STK25: variants seen among roughly 807,000 people sequenced by gnomAD.
STK25 encodes the protein serine/threonine-protein kinase 25.
STK25 carries 29 observed loss-of-function variants against 53.8 expected under a neutral mutation model. The ratio of observed to expected loss-of-function variants is 0.54; its 90% CI spans 0.40 to 0.74. STK25 has a LOEUF of 0.74. Among genes scored for constraint, STK25 ranks in the 30% least tolerant of loss-of-function variants. STK25 has a pLI of 0.00. For synonymous variants in STK25, 247 were observed against 238.3 expected (o/e 1.04, Z -0.33); for missense variants, 420 against 568.0 (o/e 0.74, Z 2.65).
At position 241,494,081 on chromosome 2, in the gene STK25, C is replaced by A; in HGVS notation, c.*1581G>T. The stretch of plus-strand genomic sequence containing the variant: ...AAGCATCGTGCAGGATGGCCCCCAA[C>A]CCTCCTCAGGGCTGGAGGGGATGGT... On this transcript the variant is annotated 3_prime_UTR_variant, in exon 12 of 12. Transcript: ENST00000316586. The surrounding 1 kb of genome is among the most constrained non-coding windows in gnomAD (Gnocchi z 4.9). 1 of 1,451,672 alleles carries A rather than the reference C, an allele frequency of 6.9e-7. No individual in the cohort carries two copies. The highest frequency in any genetic ancestry group is 9.0e-7 in the Non-Finnish European group (1 of 1,106,978). The allele number at this position is 1,451,672 out of a possible 1,614,324, so 89.9% of individuals were successfully genotyped here.
At position 241,498,290 on chromosome 2, in the gene STK25, C is replaced by T. The variant is rs545943612; in HGVS notation, c.977G>A (p.Arg326Gln). ...GPIWTFPPTI[R>Q]PSPHSKLHKG... Reference sequence around the variant, plus strand: ...GTGAAGCTTGCTGTGTGGACTCGGCCGGATGGTAGGGGGGAACGTCCAGAT... The same window carrying T: ...GTGAAGCTTGCTGTGTGGACTCGGCTGGATGGTAGGGGGGAACGTCCAGAT... The change falls in exon 9 of 12, where the codon CGG (arginine) becomes CAG (glutamine). Residue 326 changes from arginine (R) to glutamine (Q), a missense_variant. Physicochemically the swap from Arg to Gln is conservative, Grantham distance 43. Transcript: ENST00000316586. 3 of 1,608,002 alleles carry T rather than the reference C, an allele frequency of 1.9e-6. No individual in the cohort carries two copies. Among genetic ancestry groups the T allele is most frequent in the Non-Finnish European group, 2.6e-6 (3 of 1,175,732 alleles).
chr2:241,492,996 T>TC lies in STK25; in HGVS notation c.*2665dup, dbSNP rs754656081. Reference sequence around the variant, plus strand: ...CATGGCTGGCAGAAGCTCTGGGTCGTCTTTACCAACTTCTGTTTGTTCTTC... The same window carrying TC: ...CATGGCTGGCAGAAGCTCTGGGTCGTCCTTTACCAACTTCTGTTTGTTCTTC... On this transcript the variant is annotated 3_prime_UTR_variant, in exon 12 of 12. Coordinates refer to ENST00000316586, the MANE Select transcript of STK25 (RefSeq NM_001271977.2). 4 of 1,611,876 alleles carry TC rather than the reference T, an allele frequency of 2.5e-6. No individual in the cohort carries two copies. The East Asian group carries it at 6.7e-5, about 27-fold the overall frequency.
intron 2 of STK25, among the ~76,000 whole-genome samples, chr2:241,507,396 G>A (rs2065899556): frequency 6.6e-6 from 1 of 152,212 alleles, no homozygotes; most frequent in Admixed American, 6.5e-5. Context: ...CTTCTTTAAA[G>A]AAGAAAGATG....
In STK25 at chr2:241,495,411, G is replaced by A. The variant is rs892525533; in HGVS notation, c.*251C>T. 18 of 524,814 alleles carry A rather than the reference G, an allele frequency of 3.4e-5. No homozygotes were observed. Among genetic ancestry groups the A allele is most frequent in the Non-Finnish European group, 6.2e-5 (18 of 291,894 alleles). 32.5% of individuals were successfully genotyped at this position (524,814 alleles called of 1,614,324 possible). On this transcript the variant is annotated 3_prime_UTR_variant, in exon 12 of 12. Transcript: ENST00000316586. ...ACGCCGGCGGCTGGAGCCCCCGTGA[G>A]CAATACTGCTGGGCCAGGAGAGGGA...
Position 241,501,197 on chromosome 2 carries a change from C to T in STK25, c.261+281G>A, listed in dbSNP as rs2065488771. ...GGCACCACCAGCCACCTGCTCCTCA[C>T]AGGCCCACTCACCACTGCCAGTAGG... On this transcript the variant is annotated intron_variant, in intron 3 of 11. Transcript: ENST00000316586. The surrounding 1 kb of genome is among the most constrained non-coding windows in gnomAD (Gnocchi z 5.3). The T allele has an allele frequency of 1.8e-6, 1 of 560,610 alleles. No individual in the cohort carries two copies. Among genetic ancestry groups the T allele is most frequent in the Non-Finnish European group, 3.2e-6 (1 of 310,932 alleles). The allele number at this position is 560,610 out of a possible 1,614,324, so 34.7% of individuals were successfully genotyped here.
rs746973294 is a variant in STK25, at chr2:241,496,550, C to A, written c.1105-16G>T. The A allele has an allele frequency of 6.2e-6, 10 of 1,610,944 alleles. No individual in the cohort carries two copies. The Admixed American group carries it at 1.5e-4, about 24-fold the overall frequency. On this transcript the variant is annotated splice_polypyrimidine_tract_variant and intron_variant, in intron 10 of 11. Coordinates refer to ENST00000316586, the MANE Select transcript of STK25 (RefSeq NM_001271977.2). This position sits in a 1 kb window ranked among gnomAD's most constrained non-coding sequence, Gnocchi z 5.8. ...TCTCTTTGAGCTGTGAAAAGACCACCACGCCTGACCCTGGACCCCAGGACA... is the reference window on the plus strand; with the variant it reads ...TCTCTTTGAGCTGTGAAAAGACCACAACGCCTGACCCTGGACCCCAGGACA...
upstream of STK25, among the ~76,000 whole-genome samples, chr2:241,509,002 C>T (rs2066021480): frequency 6.6e-6 from 1 of 152,188 alleles, no homozygotes; most frequent in Admixed American, 6.5e-5. Context: ...GCGCCCTCCC[C>T]GCCTCGCCAC....
rs2064970797 is a variant in STK25, at chr2:241,492,726, GT to G, written c.*2935del. On this transcript the variant is annotated 3_prime_UTR_variant, in exon 12 of 12. Transcript: ENST00000316586. ...AGGGAAAGGGAACTCACTTTACTTG[GT>G]GCCTGGAATGTCACTCTAGGTTTTT... 1.8e-6 allele frequency: 1 copy of G among 542,704 alleles called. No homozygotes were observed. The highest frequency in any genetic ancestry group is 1.9e-5 in the African/African-American group (1 of 52,958). The allele number at this position is 542,704 out of a possible 1,614,324, so 33.6% of individuals were successfully genotyped here. A position where few individuals can be genotyped will look rare whatever the true frequency, so the allele number is the denominator to read the frequency against.
rs1390482094 is a variant in STK25 at position 241,496,283 on chromosome 2, C to T, written c.1241+115G>A. The T allele has an allele frequency of 1.1e-5, 15 of 1,308,430 alleles. 1 individual carries two copies. The highest frequency in any genetic ancestry group is 2.7e-5 in the South Asian group (2 of 74,860). 81.1% of individuals were successfully genotyped at this position (1,308,430 alleles called of 1,614,324 possible). Reference sequence around the variant, plus strand: ...CACGCCGCGCCTTCCCAGAGTGAAGCGAGCCCATGTAGTGCCAAATGCAGC... The same window carrying T: ...CACGCCGCGCCTTCCCAGAGTGAAGTGAGCCCATGTAGTGCCAAATGCAGC... On this transcript the variant is annotated intron_variant, in intron 11 of 11. Coordinates refer to ENST00000316586, the MANE Select transcript of STK25 (RefSeq NM_001271977.2). This position sits in a 1 kb window ranked among gnomAD's most constrained non-coding sequence, Gnocchi z 5.8.
At chr2:241,506,813 C>T (rs931072007) in intron 2 of STK25, among the ~76,000 whole-genome samples, 1 of 152,166 alleles carries the variant, frequency 6.6e-6, no homozygotes, top group Admixed American at 6.6e-5. Flanking sequence ...AGATTTTTCT[C>T]CCAGCACCTT....
At position 241,501,502 on chromosome 2, in the gene STK25, G is replaced by A; in HGVS notation, c.237C>T (p.Thr79=). ...CCTTTAGGTAGGAGCCAAAGTAGCG[G>A]GTGATGTAGGGGCTGTCGCACTGAC... The part of the protein sequence containing the change: ...VLSQCDSPYI[T]RYFGSYLKST... Residue 79 remains threonine, a synonymous_variant, in exon 3 of 12, where the codon ACC becomes ACT. Transcript: ENST00000316586. The surrounding 1 kb of genome is among the most constrained non-coding windows in gnomAD (Gnocchi z 5.3). 1.2e-6 allele frequency: 2 copies of A among 1,614,080 alleles called. No homozygotes were observed. Among genetic ancestry groups the A allele is most frequent in the Non-Finnish European group, 1.7e-6 (2 of 1,180,026 alleles).
chr2:241,495,280 T>G lies in STK25; in HGVS notation c.*382A>C. 18 of 201,128 alleles carry G rather than the reference T, an allele frequency of 8.9e-5. No individual in the cohort carries two copies. Among genetic ancestry groups the G allele is most frequent in the Non-Finnish European group, 1.2e-4 (12 of 97,858 alleles). 12.5% of individuals were successfully genotyped at this position (201,128 alleles called of 1,614,324 possible). ...TGCCCTGTTGCCTCTCCCCACCTCA[T>G]GGGAGGAGGAGGCAGAGCTGCCCTG... On this transcript the variant is annotated 3_prime_UTR_variant, in exon 12 of 12. Coordinates refer to ENST00000316586, the MANE Select transcript of STK25 (RefSeq NM_001271977.2).
Position 241,494,797 on chromosome 2 carries a change from T to C in STK25, c.*865A>G, listed in dbSNP as rs2065061198. 6.6e-6 allele frequency: 1 copy of C among 152,238 alleles called. No homozygotes were observed. Among genetic ancestry groups the C allele is most frequent in the Non-Finnish European group, 1.5e-5 (1 of 68,048 alleles). 9.4% of individuals were successfully genotyped at this position (152,238 alleles called of 1,614,324 possible). ...ACGGGAAGTAGATGGGCGACTGCTT[T>C]GTTCACACACATTTGATTAAAAATA... On this transcript the variant is annotated 3_prime_UTR_variant, in exon 12 of 12. Transcript: ENST00000316586. This position sits in a 1 kb window ranked among gnomAD's most constrained non-coding sequence, Gnocchi z 4.9.
chr2:241,498,065 C>T (rs1412785946), intron 9 of STK25, among the ~76,000 whole-genome samples, 170 bp downstream of exon 9: 1 of 152,172 alleles, frequency 6.6e-6, no homozygotes, highest in Non-Finnish European at 1.5e-5. Flanking sequence ...TGCTGGGGCT[C>T]GGGGTCTCCA....
Position 241,508,436 on chromosome 2 carries a change from C to G in STK25, c.-101+7G>C, listed in dbSNP as rs2065992893. The stretch of plus-strand genomic sequence containing the variant: ...GCCGCAAGCGCCCCGCCCGGCAGCG[C>G]GCCCACCTCCGCGGGGCTCCATCCC... On this transcript the variant is annotated splice_region_variant and intron_variant, in intron 1 of 11. Transcript: ENST00000316586. 9.2e-7 allele frequency: 1 copy of G among 1,084,846 alleles called. No individual in the cohort carries two copies. The highest frequency in any genetic ancestry group is 1.7e-5 in the African/African-American group (1 of 58,624). 67.2% of individuals were successfully genotyped at this position (1,084,846 alleles called of 1,614,324 possible).
chr2:241,500,139 A>G (rs1191856720), intron 5 of STK25, 34 bp downstream of exon 5: 5 of 1,570,166 alleles, frequency 3.2e-6, no homozygotes, highest in Non-Finnish European at 4.4e-6. Context: ...GGGGCTCAGG[A>G]CGTTACAAGA....
rs775042492 is a variant in STK25, at chr2:241,494,066, C to T, written c.*1596G>A. On this transcript the variant is annotated 3_prime_UTR_variant, in exon 12 of 12. Coordinates refer to ENST00000316586, the MANE Select transcript of STK25 (RefSeq NM_001271977.2). The surrounding 1 kb of genome is among the most constrained non-coding windows in gnomAD (Gnocchi z 4.9). ...AGCCGGGAGGGCCCCAAGCATCGTG[C>T]AGGATGGCCCCCAACCCTCCTCAGG... The T allele has an allele frequency of 1.9e-5, 28 of 1,438,896 alleles. No individual in the cohort carries two copies. The highest frequency in any genetic ancestry group is 2.5e-5 in the Non-Finnish European group (27 of 1,098,164). 89.1% of individuals were successfully genotyped at this position (1,438,896 alleles called of 1,614,324 possible).
Position 241,505,348 on chromosome 2 carries a change from A to G in STK25, c.30+2658T>C, listed in dbSNP as rs1051077998. On this transcript the variant is annotated intron_variant, in intron 2 of 11. Transcript: ENST00000316586. The stretch of plus-strand genomic sequence containing the variant: ...CCCAACCCTGCCCAAGCACCCGGAA[A>G]GACCCCAAGGGAGTCCTCCTGGGGA... 9.2e-5 allele frequency among the ~76,000 whole-genome samples: 14 copies of G among 152,072 alleles called. 1 individual carries two copies. The highest frequency in any genetic ancestry group is 4.2e-4 in the South Asian group (2 of 4,800).
chr2:241,498,384 G>A (rs35495911), intron 8 of STK25, 35 bp from the exon 9 acceptor site: 288 of 1,535,828 alleles, frequency 1.9e-4, no homozygotes, highest in African/African-American at 1.4e-3. Flanking sequence ...GGCCAGTGGG[G>A]AGAGGGCCAG....
Sources: allele counts gnomAD v4.1 joint callset (sites outside exome capture counted in the v4.1 genomes callset), GRCh38; gene constraint gnomAD v4.1.1; non-coding constraint Gnocchi (gnomAD v3.1); transcripts MANE v1.5; gene names NCBI Gene and HGNC (gene_info 2026-07-23, HGNC 2026-07-21).